The following TRPC6 variants were observed in gnomAD, a reference collection of about 807,000 sequenced individuals.
The protein encoded by TRPC6 is transient receptor potential cation channel subfamily C member 6, also known as short transient receptor potential channel 6.
In TRPC6, 55 loss-of-function variants were observed where a neutral mutation model predicts 90.7. The ratio of observed to expected loss-of-function variants is 0.61; its 90% CI spans 0.49 to 0.76. TRPC6 has a LOEUF of 0.76. Ranked by LOEUF, TRPC6 falls within the 30% of genes least tolerant of loss-of-function variation. The probability of loss-of-function intolerance (pLI) is 0.00; values close to 1 mark genes in which losing one functional copy is unlikely to be tolerated. For synonymous variants in TRPC6, 393 were observed against 393.0 expected (o/e 1.00, Z 0.00); for missense variants, 989 against 1,122.7 (o/e 0.88, Z 1.70).
At chr11:101,468,406 A>G (rs1341707643) in intron 10 of TRPC6, among the ~76,000 whole-genome samples, 1 of 152,160 alleles carries the variant, frequency 6.6e-6, no homozygotes, top group Admixed American at 6.5e-5. Context: ...GAGGATTCCT[A>G]TGTTGTTGGG....
intron 1 of TRPC6, among the ~76,000 whole-genome samples, chr11:101,526,689 C>T (rs758910002): frequency 2.0e-5 from 3 of 151,290 alleles, no homozygotes; most frequent in Non-Finnish European, 4.4e-5. Context: ...AGTGAAACCC[C>T]GTCTCTACTA....
chr11:101,455,186 A>G, intron 10 of TRPC6, 85 bp from the exon 11 acceptor site: 1 of 1,018,748 alleles, frequency 9.8e-7, no homozygotes, highest in Non-Finnish European at 1.5e-6. Context: ...TAATGAACTA[A>G]TAGTCTTACA....
At position 101,453,085 on chromosome 11, in the gene TRPC6, T is replaced by C; in HGVS notation, c.2666A>G (p.Gln889Arg). 6.2e-7 allele frequency: 1 copy of C among 1,613,560 alleles called. No individual in the cohort carries two copies. Among genetic ancestry groups the C allele is most frequent in the South Asian group, 1.1e-5 (1 of 91,078 alleles). Residue 889 changes from glutamine to arginine, a missense_variant, in exon 13 of 13, where the codon CAG (glutamine) becomes CGG (arginine). Gln to Arg is a conservative substitution (Grantham distance 43). Coordinates refer to ENST00000344327, the MANE Select transcript of TRPC6 (RefSeq NM_004621.6). ...VNEGELKEIK[Q>R]DISSLRYELL... ...TTCATAGCGGAGACTTGAGATGTCC[T>C]GCTTAATTTCCTTCAGTTCCCCTTT...
chr11:101,549,600 A>C (rs1861406813), intron 1 of TRPC6, among the ~76,000 whole-genome samples: 1 of 151,556 alleles, frequency 6.6e-6, no homozygotes, highest in Non-Finnish European at 1.5e-5. Flanking sequence ...ATATTGAATA[A>C]GGGAGAAAAG....
At chr11:101,578,856 C>T (rs1032973275) in intron 1 of TRPC6, among the ~76,000 whole-genome samples, 2 of 152,088 alleles carry the variant, frequency 1.3e-5, no homozygotes, top group Non-Finnish European at 2.9e-5. Context: ...GAGTGCATTT[C>T]CACTGTAAAT....
At chr11:101,473,892 C>T (rs1184215035) in intron 6 of TRPC6, 119 bp from the exon 7 acceptor site, 2 of 1,418,162 alleles carry the variant, frequency 1.4e-6, no homozygotes, top group Admixed American at 1.8e-5. Context: ...ATGGAAGTCT[C>T]CTATCTTAAA....
At chr11:101,541,936 T>C (rs1024897900) in intron 1 of TRPC6, among the ~76,000 whole-genome samples, 2 of 152,200 alleles carry the variant, frequency 1.3e-5, no homozygotes, top group Admixed American at 6.5e-5. Context: ...ATATATACTA[T>C]GTCTAGAAGT....
intron 1 of TRPC6, among the ~76,000 whole-genome samples, chr11:101,544,946 T>C (rs983519114): frequency 6.6e-6 from 1 of 152,174 alleles, no homozygotes; most frequent in Non-Finnish European, 1.5e-5. Context: ...AGGAATGTAC[T>C]TGGAGCACCA....
chr11:101,560,719 A>T (rs1405814233), intron 1 of TRPC6, among the ~76,000 whole-genome samples: 1 of 152,182 alleles, frequency 6.6e-6, no homozygotes, highest in East Asian at 1.9e-4. Context: ...CGGAGTGCAG[A>T]GGAAAATTCA....
intron 1 of TRPC6, among the ~76,000 whole-genome samples, chr11:101,527,591 C>A (rs774244047): frequency 2.0e-5 from 3 of 151,952 alleles, no homozygotes; most frequent in Non-Finnish European, 4.4e-5. Context: ...TTATTTAATT[C>A]TTTTCATGGA....
intron 3 of TRPC6, among the ~76,000 whole-genome samples, chr11:101,489,412 TTATA>T (rs1438987672): frequency 1.3e-5 from 2 of 152,172 alleles, no homozygotes; most frequent in East Asian, 3.8e-4. Context: ...GCTTTTATGA[TTATA>T]TAGTTTTTTC....
chr11:101,582,314 C>T (rs566659656), intron 1 of TRPC6, among the ~76,000 whole-genome samples: 2 of 152,248 alleles, frequency 1.3e-5, no homozygotes, highest in South Asian at 4.1e-4. Context: ...GGAGGGTCTG[C>T]CAGGCGCCTA....
At chr11:101,457,985 G>A (rs1404809496) in intron 10 of TRPC6, among the ~76,000 whole-genome samples, 1 of 152,164 alleles carries the variant, frequency 6.6e-6, no homozygotes, top group Non-Finnish European at 1.5e-5. Context: ...TTGTAAGTAA[G>A]TTGAAAATGC....
At chr11:101,477,801 AG>A (rs1859449206) in intron 5 of TRPC6, among the ~76,000 whole-genome samples, 1 of 152,230 alleles carries the variant, frequency 6.6e-6, no homozygotes, top group Non-Finnish European at 1.5e-5. Flanking sequence ...CTTGGAAAAA[AG>A]TATGACTAAC....
chr11:101,569,362 A>C (rs1323733128), intron 1 of TRPC6, among the ~76,000 whole-genome samples: 1 of 152,198 alleles, frequency 6.6e-6, no homozygotes, highest in Non-Finnish European at 1.5e-5. Context: ...ACCCAGATTC[A>C]TAAAGCAAGT....
intron 1 of TRPC6, among the ~76,000 whole-genome samples, chr11:101,578,220 A>G (rs1166820776): frequency 2.6e-5 from 4 of 152,220 alleles, no homozygotes; most frequent in African/African-American, 9.6e-5. Flanking sequence ...AGATGTTTCA[A>G]TGAACATAGT....
chr11:101,527,935 T>C (rs1167687020), intron 1 of TRPC6, among the ~76,000 whole-genome samples: 2 of 151,996 alleles, frequency 1.3e-5, no homozygotes, highest in African/African-American at 2.4e-5. Context: ...TAGCTGGGCA[T>C]AGTGACGGGC....
intron 1 of TRPC6, among the ~76,000 whole-genome samples, chr11:101,548,757 C>A (rs4754774): frequency 0.24 from 36,823 of 151,258 alleles, 4,794 homozygotes; most frequent in East Asian, 0.4. Flanking sequence ...TAGTGCAGCT[C>A]TCAGAAAGAA....
chr11:101,511,040 T>A (rs1343120550), intron 1 of TRPC6, among the ~76,000 whole-genome samples: 1 of 152,168 alleles, frequency 6.6e-6, no homozygotes, highest in African/African-American at 2.4e-5. Flanking sequence ...GTAAGCGTAA[T>A]GTAGATTCAT....
Sources: allele counts gnomAD v4.1 joint callset (sites outside exome capture counted in the v4.1 genomes callset), GRCh38; gene constraint gnomAD v4.1.1; transcripts MANE v1.5; gene names NCBI Gene and HGNC (gene_info 2026-07-23, HGNC 2026-07-21).